The following DNMT1 variants were observed in gnomAD, a reference collection of about 807,000 sequenced individuals.
DNMT1 encodes DNA (cytosine-5)-methyltransferase 1.
Under a neutral mutation model 205.3 loss-of-function variants are expected in DNMT1, and 24 were observed. That is an observed-to-expected ratio of 0.12 (90% CI 0.08 to 0.16). The LOEUF is 0.16. Ranked by LOEUF, DNMT1 falls within the 10% of genes least tolerant of loss-of-function variation. DNMT1 has a pLI of 1.00. For missense variants in DNMT1, 1,293 were observed against 2,177.7 expected (o/e 0.59, Z 8.09); for synonymous variants, 817 against 839.8 (o/e 0.97, Z 0.47).
chr19:10,172,605 C>T (rs7258766), intron 9 of DNMT1, among the ~76,000 whole-genome samples: 77,479 of 151,462 alleles, frequency 0.51, 20,047 homozygotes, highest in East Asian at 0.67. Context: ...AGGTGGATCA[C>T]TCGAGGTCAG....
rs1377866433 is a variant in DNMT1, at chr19:10,153,150, C to T, written c.2019+1143G>A. 5.9e-5 allele frequency among the ~76,000 whole-genome samples: 9 copies of T among 152,150 alleles called. 1 individual carries two copies. The highest frequency in any genetic ancestry group is 1.3e-4 in the Non-Finnish European group (9 of 68,038). ...AGAATACACACCCACAACCCAGCAA[C>T]GCTACTTCTAAGCAGATACACTCGC... is the stretch of plus-strand genomic sequence containing the variant. On this transcript the variant is annotated intron_variant, in intron 22 of 40. Coordinates refer to ENST00000359526, the MANE Select transcript of DNMT1 (RefSeq NM_001130823.3).
rs752281611 is a variant in DNMT1 at position 10,146,362 on chromosome 19, G to C, written c.2883C>G (p.Ala961=). The change falls in exon 28 of 41, where the codon GCC becomes GCG. Residue 961 remains alanine, a synonymous_variant. Transcript: ENST00000359526. The surrounding 1 kb of genome is among the most constrained non-coding windows in gnomAD (Gnocchi z 4.4). The part of the protein sequence containing the change: ...VGDGVYLPPE[A]FTFNIKLSSP... ...GAGGGGGCACTTACTTGAACGTGAA[G>C]GCCTCAGGGGGCAGGTACACACCAT... 6.2e-7 allele frequency: 1 copy of C among 1,614,028 alleles called. No homozygotes were observed. Among genetic ancestry groups the C allele is most frequent in the South Asian group, 1.1e-5 (1 of 91,070 alleles).
At chr19:10,180,705 G>T in intron 3 of DNMT1, 73 bp downstream of exon 3, 1 of 1,515,828 alleles carries the variant, frequency 6.6e-7, no homozygotes, top group Non-Finnish European at 9.1e-7. Context: ...GGATCTTGCT[G>T]CCTCCCTGGT....
At chr19:10,163,765 G>A (rs2038629432) in intron 11 of DNMT1, among the ~76,000 whole-genome samples, 2 of 152,196 alleles carry the variant, frequency 1.3e-5, no homozygotes, top group African/African-American at 4.8e-5. Context: ...TTTACAGGCT[G>A]TGTGCAGTGG....
intron 7 of DNMT1, among the ~76,000 whole-genome samples, 191 bp downstream of exon 7, chr19:10,175,349 C>T (rs1406519039): frequency 1.3e-5 from 2 of 152,058 alleles, no homozygotes; most frequent in South Asian, 2.1e-4. Context: ...TATATACATA[C>T]ACGTGCATAT....
Position 10,160,138 on chromosome 19 carries a change from T to G in DNMT1, c.1044-75A>C, listed in dbSNP as rs1483549064. The G allele has an allele frequency of 2.5e-6, 4 of 1,602,360 alleles. No individual in the cohort carries two copies. The East Asian group carries it at 6.7e-5, about 27-fold the overall frequency. Reference sequence around the variant, plus strand: ...AATATCAAAATCGCCCCTGTGAGGTTTCTGCCTGAGGTGCCTGTGGCACAG... The same window carrying G: ...AATATCAAAATCGCCCCTGTGAGGTGTCTGCCTGAGGTGCCTGTGGCACAG... On this transcript the variant is annotated intron_variant, in intron 14 of 40. Transcript: ENST00000359526.
intron 27 of DNMT1, among the ~76,000 whole-genome samples, chr19:10,147,644 C>G (rs935845732): frequency 6.6e-6 from 1 of 152,002 alleles, no homozygotes; most frequent in Admixed American, 6.6e-5. Context: ...AAATAGAGAT[C>G]AAGCCAAAGC....
chr19:10,166,091 C>A (rs1213056057), intron 11 of DNMT1, among the ~76,000 whole-genome samples: 1 of 152,138 alleles, frequency 6.6e-6, no homozygotes, highest in Non-Finnish European at 1.5e-5. Context: ...GCAGGAGGGC[C>A]TGCAGGCAAC....
At position 10,141,955 on chromosome 19, in the gene DNMT1, T is replaced by C; in HGVS notation, c.3309+73A>G. 3 of 1,571,140 alleles carry C rather than the reference T, an allele frequency of 1.9e-6. No individual in the cohort carries two copies. The South Asian group carries it at 3.4e-5, about 18-fold the overall frequency. On this transcript the variant is annotated intron_variant, in intron 30 of 40. Coordinates refer to ENST00000359526, the MANE Select transcript of DNMT1 (RefSeq NM_001130823.3). ...AACCCTGCAGCCAAGCCGCCTTGTG[T>C]ATAACCCGACATCAGACTCCTTCTG...
chr19:10,151,910 A>T lies in DNMT1; in HGVS notation c.2020-63T>A. On this transcript the variant is annotated intron_variant, in intron 22 of 40. Coordinates refer to ENST00000359526, the MANE Select transcript of DNMT1 (RefSeq NM_001130823.3). The surrounding 1 kb of genome is among the most constrained non-coding windows in gnomAD (Gnocchi z 5.0). ...CACAGTGGTTCATGCCTGTAATCCC[A>T]GTATTTCAGAAGGCCGAGGCAGGCA... The T allele has an allele frequency of 6.6e-7, 1 of 1,517,442 alleles. No homozygotes were observed. Among genetic ancestry groups the T allele is most frequent in the Non-Finnish European group, 9.1e-7 (1 of 1,093,364 alleles). The allele number at this position is 1,517,442 out of a possible 1,614,324, so 94.0% of individuals were successfully genotyped here. A position where few individuals can be genotyped will look rare whatever the true frequency, so the allele number is the denominator to read the frequency against.
chr19:10,177,928 T>A (rs2038965537), intron 5 of DNMT1, among the ~76,000 whole-genome samples: 1 of 141,588 alleles, frequency 7.1e-6, no homozygotes, highest in South Asian at 2.2e-4. Context: ...CAAGACCCTG[T>A]CTCTTAAAAA....
At chr19:10,189,042 T>C (rs1449523361) in intron 1 of DNMT1, among the ~76,000 whole-genome samples, 3 of 152,160 alleles carry the variant, frequency 2.0e-5, no homozygotes, top group African/African-American at 7.2e-5. Context: ...AGGTAATAAA[T>C]GTATGTCCTT....
rs3217302 is a variant in DNMT1, at chr19:10,180,646, TTCATCA to T, written c.226-83_226-78del. ...AGAACAAGGAAACACATGTGTTTCCTTCATCATCATCATCATCATCATCATCATCAG... is the reference window on the plus strand; with the variant it reads ...AGAACAAGGAAACACATGTGTTTCCTTCATCATCATCATCATCATCATCAG... On this transcript the variant is annotated intron_variant, in intron 3 of 40. Transcript: ENST00000359526. 1.1e-4 allele frequency: 163 copies of T among 1,467,326 alleles called. 2 individuals carry two copies. In the East Asian group the frequency reaches 1.9e-3, roughly 17 times the overall value. The allele number at this position is 1,467,326 out of a possible 1,614,324, so 90.9% of individuals were successfully genotyped here.
At chr19:10,155,355 G>A (rs1347342821) in intron 19 of DNMT1, among the ~76,000 whole-genome samples, 1 of 151,474 alleles carries the variant, frequency 6.6e-6, no homozygotes, top group Non-Finnish European at 1.5e-5. Context: ...TTTTTCAGGG[G>A]AGGACAGAGT....
At chr19:10,160,558 T>G in intron 13 of DNMT1, 140 bp from the exon 14 acceptor site, 2 of 867,932 alleles carry the variant, frequency 2.3e-6, no homozygotes, top group Non-Finnish European at 3.7e-6. Flanking sequence ...GGCCAGCAGG[T>G]GAGCTCTGAC....
rs543712087 is a variant in DNMT1 at position 10,138,404 on chromosome 19, C to T, written c.4115+35G>A. ...GCCCCATGAGCTACTGAGGCCTGCT[C>T]GGCAGTGTGTGGAGGAGCGACGGGG... On this transcript the variant is annotated intron_variant, in intron 35 of 40. Coordinates refer to ENST00000359526, the MANE Select transcript of DNMT1 (RefSeq NM_001130823.3). This position sits in a 1 kb window ranked among gnomAD's most constrained non-coding sequence, Gnocchi z 4.1. 1.5e-4 allele frequency: 241 copies of T among 1,613,406 alleles called. 1 individual carries two copies. The South Asian group carries it at 2.5e-3, about 16-fold the overall frequency.
At position 10,146,549 on chromosome 19, in the gene DNMT1, C is replaced by A. The variant is rs1179865459; in HGVS notation, c.2721-25G>T. On this transcript the variant is annotated intron_variant, in intron 27 of 40. Transcript: ENST00000359526. The surrounding 1 kb of genome is among the most constrained non-coding windows in gnomAD (Gnocchi z 4.4). Reference sequence around the variant, plus strand: ...TCTGAAGGAAACAAAGGGACAGAAACATAAGGCCCTGAGGTGGCCGGCAGT... The same window carrying A: ...TCTGAAGGAAACAAAGGGACAGAAAAATAAGGCCCTGAGGTGGCCGGCAGT... 5 of 1,613,726 alleles carry A rather than the reference C, an allele frequency of 3.1e-6. No homozygotes were observed. Among genetic ancestry groups the A allele is most frequent in the Non-Finnish European group, 4.2e-6 (5 of 1,180,006 alleles).
chr19:10,146,336 C>T lies in DNMT1; in HGVS notation c.2894+15G>A, dbSNP rs370596200. 78 of 1,613,460 alleles carry T rather than the reference C, an allele frequency of 4.8e-5. No individual in the cohort carries two copies. The Middle Eastern group carries it at 5.0e-4, about 10-fold the overall frequency. ...TGGAGCGCCCTGGCCCCGGCTGCTC[C>T]GAGGGGGCACTTACTTGAACGTGAA... is the stretch of plus-strand genomic sequence containing the variant. On this transcript the variant is annotated intron_variant, in intron 28 of 40. Coordinates refer to ENST00000359526, the MANE Select transcript of DNMT1 (RefSeq NM_001130823.3). The surrounding 1 kb of genome is among the most constrained non-coding windows in gnomAD (Gnocchi z 4.4).
At chr19:10,136,760 T>G (rs1195012231) in intron 37 of DNMT1, among the ~76,000 whole-genome samples, 1 of 149,344 alleles carries the variant, frequency 6.7e-6, no homozygotes, top group East Asian at 2.0e-4. Context: ...ATTTATTGTT[T>G]TTTTTTTTTC....
Sources: allele counts gnomAD v4.1 joint callset (sites outside exome capture counted in the v4.1 genomes callset), GRCh38; gene constraint gnomAD v4.1.1; non-coding constraint Gnocchi (gnomAD v3.1); transcripts MANE v1.5; gene names NCBI Gene and HGNC (gene_info 2026-07-23, HGNC 2026-07-21).